Variants in ANXA8 observed in about 807,000 individuals in gnomAD.
ANXA8 encodes the protein VAC-beta.
Under a neutral mutation model 26.8 loss-of-function variants are expected in ANXA8, and 9 were observed. That is an observed-to-expected ratio of 0.34 (90% CI 0.20 to 0.59). ANXA8 has a LOEUF of 0.59. Ranked by LOEUF, ANXA8 falls within the 20% of genes least tolerant of loss-of-function variation. The pLI is 0.84. For synonymous variants in ANXA8, 39 were observed against 94.8 expected (o/e 0.41, Z 3.42); for missense variants, 83 against 238.5 (o/e 0.35, Z 4.29).
At chr10:47,669,237 T>C in the ANXA8 span, among the ~76,000 whole-genome samples, 1 of 151,294 alleles carries the variant, frequency 6.6e-6, no homozygotes, top group East Asian at 1.9e-4. Flanking sequence ...GCCAGCCTTC[T>C]TTATTTAGTG....
chr10:47,928,751 T>TC, the ANXA8 span, among the ~76,000 whole-genome samples: 3,951 of 35,662 alleles, frequency 0.11, 59 homozygotes, highest in African/African-American at 0.35. Context: ...TCTCTCTCTC[T>TC]TTTTTTTTTT....
At chr10:47,502,225 C>G in the ANXA8 span, 1 of 1,574,144 alleles carries the variant, frequency 6.4e-7, no homozygotes, top group Non-Finnish European at 8.6e-7. Flanking sequence ...GACCACATTC[C>G]CCTTGCGGCA....
the ANXA8 span, among the ~76,000 whole-genome samples, chr10:47,501,505 C>T: frequency 8.1e-5 from 11 of 136,026 alleles, 2 homozygotes; most frequent in East Asian, 1.0e-3. Flanking sequence ...GTCAGGAGTT[C>T]GAGACCATCC....
chr10:47,590,627 T>A, the ANXA8 span, among the ~76,000 whole-genome samples: 1 of 146,114 alleles, frequency 6.8e-6, no homozygotes, highest in East Asian at 1.9e-4. Flanking sequence ...CTAATGGAAT[T>A]TGCTGATAAT....
At chr10:47,881,907 C>CTG in the ANXA8 span, among the ~76,000 whole-genome samples, 1 of 152,164 alleles carries the variant, frequency 6.6e-6, no homozygotes, top group Non-Finnish European at 1.5e-5. Context: ...GTGAATATGC[C>CTG]TGTGTGTATG....
At chr10:47,743,266 A>G in the ANXA8 span, among the ~76,000 whole-genome samples, 5 of 105,256 alleles carry the variant, frequency 4.8e-5, no homozygotes, top group South Asian at 2.8e-4. Context: ...ATATATATAC[A>G]TATATATATA....
chr10:47,771,488 C>A, the ANXA8 span, among the ~76,000 whole-genome samples: 2 of 151,450 alleles, frequency 1.3e-5, no homozygotes, highest in African/African-American at 4.9e-5. Context: ...ATAATCTACA[C>A]CAAATACTTT....
the ANXA8 span, among the ~76,000 whole-genome samples, chr10:47,942,844 C>A: frequency 3.4e-5 from 5 of 145,310 alleles, no homozygotes; most frequent in Non-Finnish European, 6.0e-5. Context: ...GCAGAGGGAG[C>A]CTTTAGTGGG....
At chr10:47,681,523 C>CTTTTTTTTTTT in the ANXA8 span, among the ~76,000 whole-genome samples, 8 of 81,284 alleles carry the variant, frequency 9.8e-5, no homozygotes, top group African/African-American at 3.2e-4. Flanking sequence ...TTTATTTTTA[C>CTTTTTTTTTTT]TTTTTTTTTT....
the ANXA8 span, among the ~76,000 whole-genome samples, chr10:47,671,379 AG>A: frequency 2.8e-4 from 43 of 152,000 alleles, no homozygotes; most frequent in Admixed American, 1.5e-3. Context: ...CCGAGATCGT[AG>A]CACTGCACTC....
At chr10:47,738,470 G>T in the ANXA8 span, among the ~76,000 whole-genome samples, 1 of 147,740 alleles carries the variant, frequency 6.8e-6, no homozygotes, top group Non-Finnish European at 1.5e-5. Context: ...AGTGGTTAAG[G>T]CTTACTATTT....
At chr10:47,575,198 C>CAAAAAAAAAAAAA in the ANXA8 span, among the ~76,000 whole-genome samples, 4 of 107,288 alleles carry the variant, frequency 3.7e-5, no homozygotes, top group African/African-American at 7.8e-5. Flanking sequence ...GAGTGAAACT[C>CAAAAAAAAAAAAA]AAAAAAAAAA....
At chr10:47,954,603 T>C in the ANXA8 span, among the ~76,000 whole-genome samples, 6 of 151,392 alleles carry the variant, frequency 4.0e-5, no homozygotes, top group African/African-American at 4.9e-5. Flanking sequence ...GATGGATACC[T>C]TGTTTACCCT....
At chr10:47,567,519 C>G in the ANXA8 span, among the ~76,000 whole-genome samples, 1 of 149,922 alleles carries the variant, frequency 6.7e-6, no homozygotes, top group Non-Finnish European at 1.5e-5. Context: ...CCCAGCCAGC[C>G]GCCTTCTCTG....
chr10:47,720,235 T>TATAGGAATTTCTTAAAG, the ANXA8 span, among the ~76,000 whole-genome samples: 9 of 145,258 alleles, frequency 6.2e-5, no homozygotes, highest in Admixed American at 6.1e-4. Flanking sequence ...CAGGAATCGT[T>TATAGGAATTTCTTAAAG]ATAGGAATTT....
At chr10:47,667,477 C>T in the ANXA8 span, among the ~76,000 whole-genome samples, 2 of 151,828 alleles carry the variant, frequency 1.3e-5, no homozygotes, top group Admixed American at 1.3e-4. Context: ...AACAATTATG[C>T]TCTGCACTCA....
At chr10:47,896,137 G>A in the ANXA8 span, among the ~76,000 whole-genome samples, 18 of 150,564 alleles carry the variant, frequency 1.2e-4, 1 homozygote, top group South Asian at 4.2e-4. Flanking sequence ...AGAATTTTAC[G>A]AAGCCCCTGA....
chr10:47,944,485 T>C, the ANXA8 span, among the ~76,000 whole-genome samples: 12 of 150,154 alleles, frequency 8.0e-5, no homozygotes, highest in Non-Finnish European at 1.5e-4. Flanking sequence ...TCTCCTGATA[T>C]GGTTTGGCTG....
the ANXA8 span, among the ~76,000 whole-genome samples, chr10:47,776,490 CTCA>C: frequency 6.6e-6 from 1 of 151,654 alleles, no homozygotes; most frequent in South Asian, 2.1e-4. Context: ...TCTGCACATC[CTCA>C]CTTTGTCCTT....
Sources: allele counts gnomAD v4.1 joint callset (sites outside exome capture counted in the v4.1 genomes callset), GRCh38; gene constraint gnomAD v4.1.1; transcripts MANE v1.5; gene names NCBI Gene and HGNC (gene_info 2026-07-23, HGNC 2026-07-21).